The following NEGR1 variants were observed in gnomAD, a reference collection of about 807,000 sequenced individuals.
NEGR1 encodes the protein neuronal growth regulator 1.
A neutral mutation model predicts 40.9 loss-of-function variants in NEGR1; 10 were observed. The observed-to-expected ratio is 0.24, with a 90% CI of 0.15 to 0.42. The LOEUF (loss-of-function observed/expected upper bound fraction) is 0.42, where lower values mean the gene tolerates loss of function less well. Among genes scored for constraint, NEGR1 ranks in the 10% least tolerant of loss-of-function variants. NEGR1 has a pLI of 1.00. For synonymous variants in NEGR1, 185 were observed against 166.8 expected, an observed-to-expected ratio of 1.11 and a Z score of -0.84; for missense variants, 352 against 438.9, an observed-to-expected ratio of 0.80 and a Z score of 1.77.
chr1:71,728,475 C>G (rs1048779099), intron 3 of NEGR1, among the ~76,000 whole-genome samples: 2 of 152,088 alleles, frequency 1.3e-5, no homozygotes, highest in African/African-American at 4.8e-5. Context: ...AGATGGAGAC[C>G]ACAGACTTAC....
intron 4 of NEGR1, among the ~76,000 whole-genome samples, chr1:71,694,779 T>G (rs72678917): frequency 6.6e-6 from 1 of 151,734 alleles, no homozygotes; most frequent in African/African-American, 2.4e-5. Flanking sequence ...CTTATGAAAA[T>G]GTATTATATT....
intron 2 of NEGR1, among the ~76,000 whole-genome samples, chr1:71,829,617 T>C (rs1436676889): frequency 6.6e-6 from 1 of 151,694 alleles, no homozygotes; most frequent in Non-Finnish European, 1.5e-5. Context: ...CCTCTCTCTT[T>C]AGTCAGCTAG....
At chr1:71,667,770 T>A (rs1389465042) in intron 4 of NEGR1, among the ~76,000 whole-genome samples, 1 of 152,178 alleles carries the variant, frequency 6.6e-6, no homozygotes, top group Non-Finnish European at 1.5e-5. Flanking sequence ...AATCTTTCCT[T>A]ATCCTCACTA....
chr1:71,539,335 C>T (rs1237626784), intron 6 of NEGR1, among the ~76,000 whole-genome samples: 2 of 151,506 alleles, frequency 1.3e-5, no homozygotes, highest in African/African-American at 4.8e-5. Context: ...ATTTTTTTCC[C>T]TCAAGAAAAC....
At chr1:72,196,462 A>G (rs1265878008) in intron 1 of NEGR1, among the ~76,000 whole-genome samples, 1 of 152,090 alleles carries the variant, frequency 6.6e-6, no homozygotes, top group African/African-American at 2.4e-5. Flanking sequence ...AAAAAATGCA[A>G]TTTTATACTT....
intron 1 of NEGR1, among the ~76,000 whole-genome samples, chr1:71,972,274 T>A (rs1250872838): frequency 1.3e-5 from 2 of 152,184 alleles, no homozygotes; most frequent in Non-Finnish European, 2.9e-5. Flanking sequence ...GTAGACACCA[T>A]GCTAGGACAC....
chr1:72,227,974 A>C (rs1399433613), intron 1 of NEGR1, among the ~76,000 whole-genome samples: 1 of 152,106 alleles, frequency 6.6e-6, no homozygotes, highest in Non-Finnish European at 1.5e-5. Flanking sequence ...CATCATAATA[A>C]AGCAATAATA....
intron 4 of NEGR1, among the ~76,000 whole-genome samples, chr1:71,657,667 A>G (rs1180972286): frequency 6.6e-6 from 1 of 152,192 alleles, no homozygotes; most frequent in Non-Finnish European, 1.5e-5. Flanking sequence ...ACAAACTTAC[A>G]AAGAGCAGGC....
intron 6 of NEGR1, chr1:71,484,776 T>G (rs940002691): frequency 7.3e-5 from 11 of 151,700 alleles, no homozygotes; most frequent in African/African-American, 2.4e-4. Context: ...GTCTAACTCC[T>G]TCTTTGCAGG....
intron 6 of NEGR1, among the ~76,000 whole-genome samples, chr1:71,485,086 G>T (rs1263798518): frequency 1.3e-5 from 2 of 151,562 alleles, no homozygotes; most frequent in South Asian, 4.1e-4. Flanking sequence ...TTGTCCCCAA[G>T]CTTGAGGGTA....
intron 1 of NEGR1, among the ~76,000 whole-genome samples, chr1:72,185,154 C>G (rs1025543415): frequency 7.2e-5 from 11 of 151,920 alleles, no homozygotes; most frequent in African/African-American, 2.7e-4. Flanking sequence ...ATCCCTCACT[C>G]TTCCTTCTTC....
intron 6 of NEGR1, among the ~76,000 whole-genome samples, chr1:71,569,643 A>T (rs572317417): frequency 7.2e-5 from 11 of 152,312 alleles, no homozygotes; most frequent in Non-Finnish European, 1.6e-4. Context: ...GGGGTTACAC[A>T]TGGTTCTTGC....
intron 1 of NEGR1, among the ~76,000 whole-genome samples, chr1:71,983,029 C>T (rs561683905): frequency 6.6e-6 from 1 of 152,164 alleles, no homozygotes; most frequent in East Asian, 1.9e-4. Context: ...AACTGCTGCA[C>T]ATGCTACCTG....
chr1:72,198,342 T>C, intron 1 of NEGR1, among the ~76,000 whole-genome samples: 1 of 151,984 alleles, frequency 6.6e-6, no homozygotes, highest in Non-Finnish European at 1.5e-5. Context: ...ACATGAGATG[T>C]AATATGGGAA....
At chr1:71,526,677 C>T (rs1162080773) in intron 6 of NEGR1, among the ~76,000 whole-genome samples, 3 of 151,524 alleles carry the variant, frequency 2.0e-5, no homozygotes, top group African/African-American at 4.8e-5. Flanking sequence ...ATCACTATCA[C>T]ATATGAGGTT....
chr1:72,192,486 C>T (rs533969484), intron 1 of NEGR1, among the ~76,000 whole-genome samples: 33 of 151,846 alleles, frequency 2.2e-4, no homozygotes, highest in African/African-American at 7.2e-4. Context: ...TTTAAGAGTA[C>T]TGATTCCACA....
intron 1 of NEGR1, among the ~76,000 whole-genome samples, chr1:72,011,959 G>T (rs1646660915): frequency 6.6e-6 from 1 of 151,900 alleles, no homozygotes; most frequent in African/African-American, 2.4e-5. Context: ...GCAAGGCTGT[G>T]AAGAGTCTTA....
At chr1:71,817,610 C>A (rs1467294962) in intron 2 of NEGR1, among the ~76,000 whole-genome samples, 1 of 151,874 alleles carries the variant, frequency 6.6e-6, no homozygotes, top group Non-Finnish European at 1.5e-5. Flanking sequence ...TTATTTCCCA[C>A]CTGCAGGCAA....
intron 2 of NEGR1, among the ~76,000 whole-genome samples, chr1:71,845,746 C>G (rs1397563868): frequency 6.6e-6 from 1 of 151,876 alleles, no homozygotes; most frequent in East Asian, 1.9e-4. Context: ...TACCTACCTA[C>G]CTACCTACCT....
Sources: allele counts gnomAD v4.1 joint callset (sites outside exome capture counted in the v4.1 genomes callset), GRCh38; gene constraint gnomAD v4.1.1; transcripts MANE v1.5; gene names NCBI Gene and HGNC (gene_info 2026-07-23, HGNC 2026-07-21).